LRRK2: variants seen among roughly 807,000 people sequenced by gnomAD.
LRRK2 encodes the protein leucine rich repeat kinase 2.
LRRK2 carries 203 observed loss-of-function variants against 302.6 expected under a neutral mutation model. The observed-to-expected ratio is 0.67, with a 90% CI of 0.60 to 0.75. The LOEUF is 0.75. Ranked by LOEUF, LRRK2 falls within the 30% of genes least tolerant of loss-of-function variation. LRRK2 has a pLI of 0.00. For synonymous variants in LRRK2, 1,066 were observed against 1,031.9 expected (o/e 1.03, Z -0.63); for missense variants, 2,830 against 2,951.0 (o/e 0.96, Z 0.95).
Position 40,363,497 on chromosome 12 carries a change from T to C in LRRK2, c.7124T>C (p.Val2375Ala), listed in dbSNP as rs1192524761. The C allele has an allele frequency of 6.2e-7, 1 of 1,612,078 alleles. No homozygotes were observed. Among genetic ancestry groups the C allele is most frequent in the East Asian group, 2.2e-5 (1 of 44,758 alleles). ...IAKQNSPVVE[V>A]WDKKTEKLCG... ...AAGCAAAATAGCCCTGTTGTGGAAG[T>C]GTGGGATAAGAAAACTGAAAAACTC... The change falls in exon 48 of 51, where the codon GTG becomes GCG. Residue 2375 changes from valine to alanine, a missense_variant. Transcript: ENST00000298910.
intron 5 of LRRK2, among the ~76,000 whole-genome samples, chr12:40,239,436 TA>T (rs899317948): frequency 6.6e-6 from 1 of 152,164 alleles, no homozygotes; most frequent in African/African-American, 2.4e-5. Flanking sequence ...TGTGGAAGGT[TA>T]GGGGCACATT....
At chr12:40,332,419 A>T (rs897828617) in intron 39 of LRRK2, among the ~76,000 whole-genome samples, 42 of 152,236 alleles carry the variant, frequency 2.8e-4, no homozygotes, top group Non-Finnish European at 5.4e-4. Flanking sequence ...AGATAGAAAC[A>T]GGGTGAGAGA....
chr12:40,279,700 T>G (rs1401399894), intron 18 of LRRK2, among the ~76,000 whole-genome samples: 1 of 152,252 alleles, frequency 6.6e-6, no homozygotes, highest in Admixed American at 6.5e-5. Flanking sequence ...CAAATCTTTC[T>G]ACCCAACAGG....
intron 48 of LRRK2, among the ~76,000 whole-genome samples, chr12:40,363,960 A>G (rs1946797958): frequency 6.6e-6 from 1 of 151,924 alleles, no homozygotes; most frequent in Admixed American, 6.6e-5. Flanking sequence ...TATGGGGGGA[A>G]ATGCAATGGA....
chr12:40,276,652 A>G lies in LRRK2; in HGVS notation c.1942-1236A>G, dbSNP rs73108347. 3.4e-3 allele frequency among the ~76,000 whole-genome samples: 519 copies of G among 152,234 alleles called. 5 individuals carry two copies. Among genetic ancestry groups the G allele is most frequent in the African/African-American group, 0.011 (448 of 41,538 alleles). On this transcript the variant is annotated intron_variant, in intron 16 of 50. Transcript: ENST00000298910. Reference sequence around the variant, plus strand: ...AATGACGTACTTTCTGCACATTTGCATGGCCTGCTCTGCTGTAGCATTCAC... The same window carrying G: ...AATGACGTACTTTCTGCACATTTGCGTGGCCTGCTCTGCTGTAGCATTCAC...
chr12:40,311,055 C>T (rs1945019907), intron 31 of LRRK2, among the ~76,000 whole-genome samples: 1 of 151,854 alleles, frequency 6.6e-6, no homozygotes, highest in Admixed American at 6.6e-5. Flanking sequence ...TTTCCATTTC[C>T]TCTTTTCTTT....
At chr12:40,259,459 A>T (rs1942673536) in intron 12 of LRRK2, 21 bp from the exon 13 acceptor site, 2 of 1,612,776 alleles carry the variant, frequency 1.2e-6, no homozygotes, top group Non-Finnish European at 1.7e-6. Context: ...TTCAATAAGC[A>T]TGCCAATTTT....
Position 40,274,977 on chromosome 12 carries a change from C to A in LRRK2, c.1925C>A (p.Ala642Asp). The A allele has an allele frequency of 6.2e-7, 1 of 1,613,898 alleles. No homozygotes were observed. Among genetic ancestry groups the A allele is most frequent in the Non-Finnish European group, 8.5e-7 (1 of 1,179,902 alleles). ...AGCTTATACCGATTTAAGGATGTTG[C>A]TGAAATACAGACTAAAGTATGTGCA... ...VSSLYRFKDV[A>D]EIQTKGFQTI... is the part of the protein sequence containing the mutation. The change falls in exon 16 of 51, where the codon GCT becomes GAT. Residue 642 changes from alanine to aspartate, a missense_variant. Ala to Asp is a moderately radical substitution (Grantham distance 126, BLOSUM62 -2). Transcript: ENST00000298910.
At chr12:40,276,676 A>G (rs1250888337) in intron 16 of LRRK2, among the ~76,000 whole-genome samples, 1 of 152,164 alleles carries the variant, frequency 6.6e-6, no homozygotes, top group Non-Finnish European at 1.5e-5. Context: ...TGTAGCATTC[A>G]CTTGTTTTCA....
intron 11 of LRRK2, among the ~76,000 whole-genome samples, chr12:40,254,891 C>G (rs780486707): frequency 6.6e-6 from 1 of 152,066 alleles, no homozygotes; most frequent in Non-Finnish European, 1.5e-5. Context: ...TTGAGTAGCT[C>G]GTTCATCAAC....
At chr12:40,243,338 T>C (rs1053902953) in intron 6 of LRRK2, among the ~76,000 whole-genome samples, 4 of 152,142 alleles carry the variant, frequency 2.6e-5, no homozygotes, top group African/African-American at 7.2e-5. Context: ...AAGTAAATTT[T>C]CCTTAATGCC....
At chr12:40,271,583 C>T (rs999756059) in intron 14 of LRRK2, among the ~76,000 whole-genome samples, 1 of 152,208 alleles carries the variant, frequency 6.6e-6, no homozygotes, top group Admixed American at 6.6e-5. Context: ...TGATTTTAAT[C>T]CCTATTTGAG....
chr12:40,304,973 T>A (rs372946722), intron 27 of LRRK2: 6 of 152,240 alleles, frequency 3.9e-5, no homozygotes, highest in African/African-American at 7.2e-5. Flanking sequence ...AAACCATTTT[T>A]CTCAAGTTGT....
At position 40,346,940 on chromosome 12, in the gene LRRK2, C is replaced by T; in HGVS notation, c.6280+17C>T. The T allele has an allele frequency of 2.5e-6, 4 of 1,597,244 alleles. No individual in the cohort carries two copies. Among genetic ancestry groups the T allele is most frequent in the East Asian group, 2.2e-5 (1 of 44,680 alleles). On this transcript the variant is annotated intron_variant, in intron 42 of 50. Transcript: ENST00000298910. Reference sequence around the variant, plus strand: ...AATTACCTGGTAAGTTCTGTTTTCTCTACAATGAAGATTTTTTTTCTTAAT... The same window carrying T: ...AATTACCTGGTAAGTTCTGTTTTCTTTACAATGAAGATTTTTTTTCTTAAT...
At position 40,364,987 on chromosome 12, in the gene LRRK2, C is replaced by G. The variant is rs768396410; in HGVS notation, c.7327C>G (p.Arg2443Gly). 6.2e-7 allele frequency: 1 copy of G among 1,612,416 alleles called. No individual in the cohort carries two copies. The change falls in exon 49 of 51, where the codon CGA becomes GGA. Residue 2443 changes from arginine to glycine, a missense_variant. This residue lies in a region of LRRK2 where 456 missense variants were observed against 456.3 expected (regional missense o/e 1.00). Coordinates refer to ENST00000298910, the MANE Select transcript of LRRK2 (RefSeq NM_198578.4). ...TTTACTCCTGGATCTTTCAACTCGT[C>G]GACTTATACGTGTAATTTACAACTT... ...HILLLDLSTR[R>G]LIRVIYNFCN... is the part of the protein sequence containing the mutation.
Position 40,250,010 on chromosome 12 carries a change from A to G in LRRK2, c.958+65A>G, listed in dbSNP as rs942043047. 4 of 1,585,262 alleles carry G rather than the reference A, an allele frequency of 2.5e-6. No individual in the cohort carries two copies. In the African/African-American group the frequency reaches 5.4e-5, roughly 21 times the overall value. On this transcript the variant is annotated intron_variant, in intron 8 of 50. Transcript: ENST00000298910. ...TTTGACATCAAATATGAACATTGTA[A>G]CAAGAGAATCATATGTACAGATGGA...
chr12:40,320,140 G>C lies in LRRK2; in HGVS notation c.4980G>C (p.Leu1660Phe), dbSNP rs1945355252. Residue 1660 changes from leucine to phenylalanine, a missense_variant, in exon 34 of 51, where the codon TTG becomes TTC. This residue lies in a region of LRRK2 where 2,121 missense variants were observed against 2,148.0 expected (regional missense o/e 0.99). Transcript: ENST00000298910. Reference sequence around the variant, plus strand: ...TCCTAGAAAAATTCCAGATTGCTTTGCCAATAGGAGAAGAATATTTGCTGG... The same window carrying C: ...TCCTAGAAAAATTCCAGATTGCTTTCCCAATAGGAGAAGAATATTTGCTGG... ...FKLLEKFQIA[L>F]PIGEEYLLVP... 3 of 1,612,042 alleles carry C rather than the reference G, an allele frequency of 1.9e-6. No individual in the cohort carries two copies. Among genetic ancestry groups the C allele is most frequent in the Non-Finnish European group, 2.5e-6 (3 of 1,178,910 alleles).
rs140555641 is a variant in LRRK2, at chr12:40,357,764, T to A, written c.6844-1496T>A. Among the ~76,000 whole-genome samples, 12 of 152,324 alleles carry A rather than the reference T, an allele frequency of 7.9e-5. No homozygotes were observed. The East Asian group carries it at 1.5e-3, about 20-fold the overall frequency. On this transcript the variant is annotated intron_variant, in intron 46 of 50. Transcript: ENST00000298910. ...CTTCTTTTGCAAATGTCTATTTAGA[T>A]CCTTTGCCAACTTTTTGTTTTGTTT...
At position 40,299,448 on chromosome 12, in the gene LRRK2, A is replaced by G. The variant is rs565212526; in HGVS notation, c.3496+191A>G. Among the ~76,000 whole-genome samples the G allele has an allele frequency of 3.1e-4, 47 of 152,330 alleles. 2 individuals carry two copies. The South Asian group carries it at 9.1e-3, about 30-fold the overall frequency. On this transcript the variant is annotated intron_variant, in intron 25 of 50. Coordinates refer to ENST00000298910, the MANE Select transcript of LRRK2 (RefSeq NM_198578.4). ...AAAACTATGAAAAGACATGAAAGAA[A>G]CATAAATGCATATTGGTAAGTGAAA...
Sources: allele counts gnomAD v4.1 joint callset (sites outside exome capture counted in the v4.1 genomes callset), GRCh38; gene constraint gnomAD v4.1.1; regional missense constraint gnomAD v4.1.1; transcripts MANE v1.5; gene names NCBI Gene and HGNC (gene_info 2026-07-23, HGNC 2026-07-21).